The following FOXP1 variants were observed in gnomAD, a reference collection of about 807,000 sequenced individuals.
FOXP1 encodes forkhead box P1.
In FOXP1, 15 loss-of-function variants were observed where a neutral mutation model predicts 98.2. That is an observed-to-expected ratio of 0.15 (90% CI 0.10 to 0.24). The LOEUF is 0.24. Ranked by LOEUF, FOXP1 falls within the 10% of genes least tolerant of loss-of-function variation. The pLI, the probability that FOXP1 is intolerant of heterozygous loss-of-function variation, is 1.00. For synonymous variants in FOXP1, 371 were observed against 314.5 expected, an observed-to-expected ratio of 1.18 and a Z score of -1.90; for missense variants, 633 against 848.5, an observed-to-expected ratio of 0.75 and a Z score of 3.15.
At chr3:71,029,727 A>G (rs978008218) in intron 11 of FOXP1, among the ~76,000 whole-genome samples, 19 of 152,088 alleles carry the variant, frequency 1.2e-4, no homozygotes, top group African/African-American at 4.6e-4. Context: ...TACGTTTTGC[A>G]TATACTTCTA....
chr3:71,357,527 A>G (rs2078245983), intron 4 of FOXP1, among the ~76,000 whole-genome samples: 1 of 152,230 alleles, frequency 6.6e-6, no homozygotes, highest in South Asian at 2.1e-4. Context: ...GTAAGCATTC[A>G]CCTTTTCTTA....
chr3:70,961,642 A>T (rs1293453556), intron 20 of FOXP1, among the ~76,000 whole-genome samples: 1 of 151,454 alleles, frequency 6.6e-6, no homozygotes, highest in Non-Finnish European at 1.5e-5. Context: ...TTTTTTTTTT[A>T]ATGGCTGTAT....
chr3:71,378,430 C>T lies in FOXP1; in HGVS notation c.-167-19186G>A, dbSNP rs532510884. On this transcript the variant is annotated intron_variant, in intron 3 of 20. Transcript: ENST00000649528. ...TTAAATGGAAAATTCCATAAATTTT[C>T]AATTGCCCACCATGCTGAGCAGCGT... Among the ~76,000 whole-genome samples the T allele has an allele frequency of 3.3e-5, 5 of 152,222 alleles. No homozygotes were observed. In the South Asian group the frequency reaches 1.0e-3, roughly 32 times the overall value.
chr3:70,977,137 G>A (rs1352619169), intron 16 of FOXP1, 95 bp from the exon 17 acceptor site: 2 of 860,182 alleles, frequency 2.3e-6, no homozygotes, highest in Non-Finnish European at 4.0e-6. Flanking sequence ...CTGTGATTCA[G>A]AGCTAAATCC....
At chr3:71,492,972 A>G (rs1425971594) in intron 3 of FOXP1, among the ~76,000 whole-genome samples, 1 of 152,198 alleles carries the variant, frequency 6.6e-6, no homozygotes, top group Non-Finnish European at 1.5e-5. Flanking sequence ...CAAGTTTCCA[A>G]TCCTTTGGCT....
At chr3:71,558,481 TG>T (rs1249799781) in intron 2 of FOXP1, among the ~76,000 whole-genome samples, 1 of 152,006 alleles carries the variant, frequency 6.6e-6, no homozygotes, top group African/African-American at 2.4e-5. Flanking sequence ...TTCTTGTTTT[TG>T]TTTTTTGTTT....
At chr3:71,175,358 C>T (rs1298972953) in intron 6 of FOXP1, among the ~76,000 whole-genome samples, 1 of 152,192 alleles carries the variant, frequency 6.6e-6, no homozygotes, top group Non-Finnish European at 1.5e-5. Flanking sequence ...ACTGACAACA[C>T]GTATGTGGCC....
At chr3:71,496,961 A>ATTGTGTGTGTGTGTGT (rs2091460589) in intron 2 of FOXP1, among the ~76,000 whole-genome samples, 1 of 149,374 alleles carries the variant, frequency 6.7e-6, no homozygotes. Context: ...GGTGTGTGGA[A>ATTGTGTGTGTGTGTGT]GTGTGTGTGT....
At chr3:71,091,967 C>T (rs1410864809) in intron 7 of FOXP1, among the ~76,000 whole-genome samples, 1 of 152,106 alleles carries the variant, frequency 6.6e-6, no homozygotes, top group Non-Finnish European at 1.5e-5. Flanking sequence ...GCAGGCAGAT[C>T]ACTTGAGGTC....
chr3:71,092,449 TG>T (rs2055978486), intron 7 of FOXP1, among the ~76,000 whole-genome samples: 1 of 151,994 alleles, frequency 6.6e-6, no homozygotes, highest in Admixed American at 6.6e-5. Flanking sequence ...CAGAGACCCT[TG>T]TGGGACCCTA....
intron 11 of FOXP1, among the ~76,000 whole-genome samples, chr3:71,035,146 T>C (rs532992706): frequency 6.6e-6 from 1 of 152,310 alleles, no homozygotes; most frequent in East Asian, 1.9e-4. Flanking sequence ...ACTGAGTTTC[T>C]AACAAGCTTC....
At chr3:70,974,751 G>A (rs932316639) in intron 17 of FOXP1, among the ~76,000 whole-genome samples, 1 of 152,196 alleles carries the variant, frequency 6.6e-6, no homozygotes, top group African/African-American at 2.4e-5. Context: ...TTGAAAAGAA[G>A]TCAACATTGC....
intron 3 of FOXP1, among the ~76,000 whole-genome samples, chr3:71,472,456 T>C (rs926850285): frequency 3.9e-5 from 6 of 151,966 alleles, no homozygotes; most frequent in Admixed American, 6.6e-5. Flanking sequence ...TTTTTTTCTA[T>C]GCTACATTTT....
intron 3 of FOXP1, among the ~76,000 whole-genome samples, chr3:71,420,266 T>A (rs2083532926): frequency 6.6e-6 from 1 of 152,066 alleles, no homozygotes. Flanking sequence ...ACTACAAATG[T>A]ATAAAGAGGA....
In FOXP1 at chr3:71,365,064, G is replaced by A. The variant is rs549139578; in HGVS notation, c.-167-5820C>T. On this transcript the variant is annotated intron_variant, in intron 3 of 20. Coordinates refer to ENST00000649528, the MANE Select transcript of FOXP1 (RefSeq NM_001349338.3). ...CATGTAAACAAGTGGGTGTTGTTGTGTTCTAATAAAACGTTATTTACACAA... is the reference window on the plus strand; with the variant it reads ...CATGTAAACAAGTGGGTGTTGTTGTATTCTAATAAAACGTTATTTACACAA... Among the ~76,000 whole-genome samples the A allele has an allele frequency of 1.1e-4, 17 of 152,308 alleles. No homozygotes were observed. In the East Asian group the frequency reaches 3.3e-3, roughly 29 times the overall value.
At chr3:71,531,706 T>TAACC (rs775228632) in intron 2 of FOXP1, among the ~76,000 whole-genome samples, 21 of 152,184 alleles carry the variant, frequency 1.4e-4, no homozygotes, top group Non-Finnish European at 1.2e-4. Context: ...TAGGTAAAGG[T>TAACC]AACCATCTTC....
At chr3:71,474,324 G>A (rs2089626100) in intron 3 of FOXP1, among the ~76,000 whole-genome samples, 1 of 152,142 alleles carries the variant, frequency 6.6e-6, no homozygotes, top group Non-Finnish European at 1.5e-5. Flanking sequence ...CAAGAGAAAA[G>A]AACAAGAAGG....
intron 7 of FOXP1, among the ~76,000 whole-genome samples, chr3:71,067,832 T>C (rs371639461): frequency 2.7e-5 from 4 of 150,848 alleles, no homozygotes; most frequent in East Asian, 1.9e-4. Context: ...GCAGGATCAC[T>C]TGGAGACCAG....
At chr3:71,041,805 T>TAACCATCCC (rs2106879270) in intron 10 of FOXP1, among the ~76,000 whole-genome samples, 1 of 152,264 alleles carries the variant, frequency 6.6e-6, no homozygotes, top group Non-Finnish European at 1.5e-5. Context: ...AGTATGCCTC[T>TAACCATCCC]AACCATCCCA....
Sources: gnomAD v4.1 joint callset for allele counts (sites outside exome capture counted in the v4.1 genomes callset) on GRCh38, gnomAD v4.1.1 for gene constraint, MANE v1.5 for transcripts, NCBI Gene and HGNC (gene_info 2026-07-23, HGNC 2026-07-21) for gene names.